PSIP1: variants seen among roughly 807,000 people sequenced by gnomAD.
The protein encoded by PSIP1 is PC4 and SRSF1 interacting protein 1, also known as PC4 and SFRS1-interacting protein.
PSIP1 carries 19 observed loss-of-function variants against 74.7 expected under a neutral mutation model. The ratio of observed to expected loss-of-function variants is 0.25; its 90% confidence interval spans 0.18 to 0.37. The LOEUF is 0.37. Among genes scored for constraint, PSIP1 ranks in the 10% least tolerant of loss-of-function variants. The pLI, the probability that PSIP1 is intolerant of heterozygous loss-of-function variation, is 1.00. For synonymous variants in PSIP1, 222 were observed against 195.3 expected, an observed-to-expected ratio of 1.14 and a Z score of -1.14; for missense variants, 601 against 614.3, an observed-to-expected ratio of 0.98 and a Z score of 0.23.
intron 3 of PSIP1, among the ~76,000 whole-genome samples, chr9:15,499,443 G>A (rs1248694229): frequency 6.6e-6 from 1 of 152,148 alleles, no homozygotes; most frequent in Non-Finnish European, 1.5e-5. Context: ...GTGTGTACAT[G>A]TGCATTCCAA....
At chr9:15,499,149 CAG>C (rs538358003) in intron 3 of PSIP1, among the ~76,000 whole-genome samples, 361 of 152,286 alleles carry the variant, frequency 2.4e-3, no homozygotes, top group Non-Finnish European at 3.4e-3. Flanking sequence ...ATTAAAACAG[CAG>C]AGTCTCAACT....
intron 3 of PSIP1, among the ~76,000 whole-genome samples, chr9:15,498,503 G>GA (rs533664838): frequency 7.9e-4 from 114 of 143,828 alleles, no homozygotes; most frequent in South Asian, 2.4e-3. Flanking sequence ...ACAGCAGATG[G>GA]AAAAAAAAAA....
rs2036545680 is a variant in PSIP1 at position 15,486,065 on chromosome 9, C to A, written c.397G>T (p.Val133Leu). 1 of 1,598,604 alleles carries A rather than the reference C, an allele frequency of 6.3e-7. No homozygotes were observed. Among genetic ancestry groups the A allele is most frequent in the Non-Finnish European group, 8.5e-7 (1 of 1,171,358 alleles). The change falls in exon 6 of 16, where the codon GTG (valine) becomes TTG (leucine). Residue 133 changes from valine to leucine, a missense_variant. This residue lies in a region of PSIP1 where 538 missense variants were observed against 507.6 expected (regional missense o/e 1.06). Transcript: ENST00000380733. ...GTAGTTATGTCAACTGCTTTAGTCACATCCTAAAAAAGAAAAAAGAAAACT... is the reference window on the plus strand; with the variant it reads ...GTAGTTATGTCAACTGCTTTAGTCAAATCCTAAAAAAGAAAAAAGAAAACT... The part of the protein sequence containing the change: ...DHEEKASNED[V>L]TKAVDITTPK...
chr9:15,502,271 G>C (rs1008417080), intron 3 of PSIP1, among the ~76,000 whole-genome samples: 1 of 151,872 alleles, frequency 6.6e-6, no homozygotes, highest in East Asian at 1.9e-4. Context: ...AGGTAATAAT[G>C]ACAAAGAAAA....
chr9:15,488,358 A>T (rs1398493316), intron 4 of PSIP1, among the ~76,000 whole-genome samples: 3 of 151,904 alleles, frequency 2.0e-5, no homozygotes, highest in African/African-American at 7.3e-5. Context: ...AAAGAGTAAA[A>T]AGCTGCAGAA....
At chr9:15,489,953 A>G (rs2036749226) in intron 4 of PSIP1, 33 bp downstream of exon 4, 3 of 1,458,376 alleles carry the variant, frequency 2.1e-6, no homozygotes, top group Non-Finnish European at 2.8e-6. Flanking sequence ...AGGATTAAAT[A>G]AGTAATATCA....
In PSIP1 at chr9:15,490,121, A is replaced by T. The variant is rs1328968527; in HGVS notation, c.153T>A (p.Ala51=). 15 of 1,577,348 alleles carry T rather than the reference A, an allele frequency of 9.5e-6. No homozygotes were observed. Among genetic ancestry groups the T allele is most frequent in the Non-Finnish European group, 1.2e-5 (14 of 1,167,720 alleles). Residue 51 remains alanine, a synonymous_variant, in exon 4 of 16, where the codon GCT becomes GCA. Transcript: ENST00000380733. The part of the protein sequence containing the change: ...PIFFFGTHET[A]FLGPKDIFPY... Reference sequence around the variant, plus strand: ...GAAATATATCCTTTGGTCCTAAAAAAGCACTAAAAAAGAAGTGGGGAAGAT... The same window carrying T: ...GAAATATATCCTTTGGTCCTAAAAATGCACTAAAAAAGAAGTGGGGAAGAT...
At chr9:15,472,123 T>G in intron 10 of PSIP1, 1 of 984,268 alleles carries the variant, frequency 1.0e-6, no homozygotes, top group Non-Finnish European at 1.2e-6. Flanking sequence ...GCTTTGAATT[T>G]GATTTATATT....
intron 8 of PSIP1, among the ~76,000 whole-genome samples, chr9:15,476,776 A>G (rs1185030720): frequency 1.3e-5 from 2 of 152,228 alleles, no homozygotes; most frequent in South Asian, 2.1e-4. Flanking sequence ...CAAAAGTATT[A>G]CATTACCAAA....
At chr9:15,472,144 AAT>A (rs2035863867) in intron 10 of PSIP1, 1 of 984,204 alleles carries the variant, frequency 1.0e-6, no homozygotes, top group African/African-American at 1.8e-5. Flanking sequence ...GCACATACAT[AAT>A]AATGTACACC....
rs181953026 is a variant in PSIP1 at position 15,475,298 on chromosome 9, A to T, written c.630-1061T>A. Among the ~76,000 whole-genome samples, 73 of 152,290 alleles carry T rather than the reference A, an allele frequency of 4.8e-4. No homozygotes were observed. The Middle Eastern group carries it at 0.01, about 21-fold the overall frequency. ...TAATAAATGAAAGTAAAAGCATGCA[A>T]GTGAAACTATTTGCTTTCTTCAGGA... On this transcript the variant is annotated intron_variant, in intron 8 of 15. Coordinates refer to ENST00000380733, the MANE Select transcript of PSIP1 (RefSeq NM_033222.5).
chr9:15,468,658 T>C lies in PSIP1; in HGVS notation c.1392A>G (p.Pro464=). Residue 464 remains proline (P), a synonymous_variant, in exon 14 of 16, where the codon CCA becomes CCG. Transcript: ENST00000380733. Reference sequence around the variant, plus strand: ...TTTGTTCCTTCTCTAGCTTTTTGTTTGGCCCTTTCTTCCCTTGATCTTTGG... The same window carrying C: ...TTTGTTCCTTCTCTAGCTTTTTGTTCGGCCCTTTCTTCCCTTGATCTTTGG... The part of the protein sequence containing the change: ...NKTKDQGKKG[P]NKKLEKEQTG... 3.1e-6 allele frequency: 5 copies of C among 1,614,134 alleles called. No homozygotes were observed. The highest frequency in any genetic ancestry group is 4.2e-6 in the Non-Finnish European group (5 of 1,179,998).
At chr9:15,494,781 C>A (rs2036999008) in intron 3 of PSIP1, among the ~76,000 whole-genome samples, 1 of 152,096 alleles carries the variant, frequency 6.6e-6, no homozygotes, top group Non-Finnish European at 1.5e-5. Context: ...GAAATCATCT[C>A]ATTCCATCAA....
At chr9:15,497,997 T>C (rs1463914581) in intron 3 of PSIP1, among the ~76,000 whole-genome samples, 1 of 152,236 alleles carries the variant, frequency 6.6e-6, no homozygotes, top group African/African-American at 2.4e-5. Context: ...ACTATTTCAC[T>C]GAATAGCTAA....
At chr9:15,496,667 A>G (rs1017498349) in intron 3 of PSIP1, among the ~76,000 whole-genome samples, 1 of 152,184 alleles carries the variant, frequency 6.6e-6, no homozygotes, top group Admixed American at 6.5e-5. Context: ...TTCATTATTA[A>G]CCATAATGGT....
chr9:15,503,713 G>C (rs7018723), intron 3 of PSIP1, among the ~76,000 whole-genome samples: 6,551 of 151,024 alleles, frequency 0.043, 472 homozygotes, highest in African/African-American at 0.15. Flanking sequence ...GGGGAAAAAA[G>C]ATCATCAGAG....
chr9:15,507,878 C>G (rs2132249288), intron 2 of PSIP1, among the ~76,000 whole-genome samples: 1 of 152,224 alleles, frequency 6.6e-6, no homozygotes. Context: ...CATTACCACC[C>G]AATATCTCTA....
intron 10 of PSIP1, chr9:15,471,798 T>TTAC (rs2035842641): frequency 1.1e-6 from 1 of 947,066 alleles, no homozygotes. Flanking sequence ...AAGAATTGTT[T>TTAC]TACTGCTCAT....
At chr9:15,491,743 C>G (rs962906537) in intron 3 of PSIP1, among the ~76,000 whole-genome samples, 5 of 152,136 alleles carry the variant, frequency 3.3e-5, no homozygotes, top group Admixed American at 2.0e-4. Flanking sequence ...GAAGAAATAC[C>G]AGAGACTGGG....
Sources: gnomAD v4.1 joint callset for allele counts (sites outside exome capture counted in the v4.1 genomes callset) on GRCh38, gnomAD v4.1.1 for gene constraint, gnomAD v4.1.1 regional missense constraint, MANE v1.5 for transcripts, NCBI Gene and HGNC (gene_info 2026-07-23, HGNC 2026-07-21) for gene names.